The following ZMYM4 variants were observed in gnomAD, a reference collection of about 807,000 sequenced individuals.
ZMYM4 encodes zinc finger MYM-type protein 4.
Under a neutral mutation model 183.2 loss-of-function variants are expected in ZMYM4, and 31 were observed. The observed-to-expected ratio is 0.17, with a 90% CI of 0.13 to 0.23. The LOEUF (loss-of-function observed/expected upper bound fraction) is 0.23. Among genes scored for constraint, ZMYM4 ranks in the 10% least tolerant of loss-of-function variants. The pLI is 1.00. For synonymous variants in ZMYM4, 592 were observed against 631.2 expected, an observed-to-expected ratio of 0.94 and a Z score of 0.93; for missense variants, 1,273 against 1,840.3, an observed-to-expected ratio of 0.69 and a Z score of 5.64.
Position 35,414,050 on chromosome 1 carries a change from T to C in ZMYM4, c.4027T>C (p.Leu1343=), listed in dbSNP as rs1324452026. The change falls in exon 27 of 30, where the codon TTG becomes CTG. Residue 1343 remains leucine, a synonymous_variant. Transcript: ENST00000314607. Reference sequence around the variant, plus strand: ...ATTTATGATTGAACTTACCAAACTCTTGAAAATATGGGAACCTACAATACT... The same window carrying C: ...ATTTATGATTGAACTTACCAAACTCCTGAAAATATGGGAACCTACAATACT... The part of the protein sequence containing the change: ...SRFMIELTKL[L]KIWEPTILPN... The C allele has an allele frequency of 6.3e-7, 1 of 1,590,084 alleles. No individual in the cohort carries two copies. Among genetic ancestry groups the C allele is most frequent in the East Asian group, 2.3e-5 (1 of 44,318 alleles).
chr1:35,292,064 T>C (rs2148718827), intron 1 of ZMYM4: 1 of 152,324 alleles, frequency 6.6e-6, no homozygotes, highest in Admixed American at 6.5e-5. Flanking sequence ...AGATAGAGAT[T>C]GAGGCAAGTG....
At chr1:35,283,710 G>T (rs1294625888) in intron 1 of ZMYM4, among the ~76,000 whole-genome samples, 2 of 151,920 alleles carry the variant, frequency 1.3e-5, no homozygotes, top group Non-Finnish European at 2.9e-5. Context: ...TTTTTCATGT[G>T]TTTATTGGCC....
chr1:35,344,557 G>A (rs759482087), intron 2 of ZMYM4, among the ~76,000 whole-genome samples: 7 of 151,862 alleles, frequency 4.6e-5, no homozygotes, highest in African/African-American at 1.7e-4. Flanking sequence ...TCATGAATGA[G>A]TATTAAATTT....
At chr1:35,399,084 TA>T in intron 22 of ZMYM4, 41 bp downstream of exon 22, 1 of 1,593,520 alleles carries the variant, frequency 6.3e-7, no homozygotes, top group Non-Finnish European at 8.6e-7. Context: ...CTTTTTATTT[TA>T]AAAGATCGGT....
chr1:35,329,223 T>TC (rs1642632331), intron 2 of ZMYM4, among the ~76,000 whole-genome samples: 2 of 152,230 alleles, frequency 1.3e-5, no homozygotes, highest in African/African-American at 2.4e-5. Flanking sequence ...AAAGAAGACT[T>TC]CAACATTTTA....
intron 15 of ZMYM4, among the ~76,000 whole-genome samples, chr1:35,391,074 A>T (rs1644694990): frequency 6.6e-6 from 1 of 152,208 alleles, no homozygotes. Context: ...CGTGGGCGTG[A>T]CTAGTTGGGG....
Position 35,398,354 on chromosome 1 carries a change from T to C in ZMYM4, c.3200-59T>C, listed in dbSNP as rs966535977. On this transcript the variant is annotated intron_variant, in intron 20 of 29. Coordinates refer to ENST00000314607, the MANE Select transcript of ZMYM4 (RefSeq NM_005095.3). ...TGATGTATATAGTGCAGTCATTTCA[T>C]TTGAGATATAATTTGTTGTCTAAAC... The C allele has an allele frequency of 5.5e-6, 8 of 1,461,382 alleles. No homozygotes were observed. The African/African-American group carries it at 9.9e-5, about 18-fold the overall frequency. The allele number at this position is 1,461,382 out of a possible 1,614,324, so 90.5% of individuals were successfully genotyped here. A position where few individuals can be genotyped will look rare whatever the true frequency, so the allele number is the denominator to read the frequency against.
At chr1:35,371,846 CAG>C (rs899269852) in intron 7 of ZMYM4, among the ~76,000 whole-genome samples, 22 of 152,256 alleles carry the variant, frequency 1.4e-4, no homozygotes, top group African/African-American at 2.6e-4. Context: ...AAATGACCGA[CAG>C]GGTAAATTTT....
intron 2 of ZMYM4, among the ~76,000 whole-genome samples, chr1:35,343,112 A>T (rs558392269): frequency 6.6e-6 from 1 of 152,126 alleles, no homozygotes; most frequent in Non-Finnish European, 1.5e-5. Flanking sequence ...CCATCCATCC[A>T]TCCATCTATG....
chr1:35,280,653 T>C (rs913857137), intron 1 of ZMYM4, among the ~76,000 whole-genome samples: 1 of 152,244 alleles, frequency 6.6e-6, no homozygotes. Context: ...TTCTTCCTCC[T>C]CTCTTTGAGC....
intron 13 of ZMYM4, 26 bp from the exon 14 acceptor site, chr1:35,388,884 T>G (rs766134084): frequency 6.2e-7 from 1 of 1,610,342 alleles, no homozygotes; most frequent in East Asian, 2.2e-5. Flanking sequence ...CTACCTAATG[T>G]TAATTTTATC....
intron 1 of ZMYM4, among the ~76,000 whole-genome samples, chr1:35,288,708 C>A (rs1478964360): frequency 1.3e-5 from 2 of 152,130 alleles, no homozygotes; most frequent in Non-Finnish European, 2.9e-5. Flanking sequence ...CATCTACTTG[C>A]TGAGCTTTCA....
In ZMYM4 at chr1:35,275,005, A is replaced by T. The variant is rs575267625; in HGVS notation, c.39+5920A>T. Among the ~76,000 whole-genome samples, 358 of 152,286 alleles carry T rather than the reference A, an allele frequency of 2.4e-3. 1 individual carries two copies. Among genetic ancestry groups the T allele is most frequent in the African/African-American group, 8.4e-3 (351 of 41,558 alleles). On this transcript the variant is annotated intron_variant, in intron 1 of 29. Coordinates refer to ENST00000314607, the MANE Select transcript of ZMYM4 (RefSeq NM_005095.3). The stretch of plus-strand genomic sequence containing the variant: ...TAAAGCACATAATTCTTTATCTGGA[A>T]TGTATGGATGTTAGAATAATTTGAA...
chr1:35,335,389 A>G (rs2148845879), intron 2 of ZMYM4, among the ~76,000 whole-genome samples: 1 of 151,816 alleles, frequency 6.6e-6, no homozygotes, highest in South Asian at 2.1e-4. Context: ...GGCACCCACC[A>G]CCATACTTGG....
At chr1:35,276,100 C>A (rs545892640) in intron 1 of ZMYM4, among the ~76,000 whole-genome samples, 1 of 152,252 alleles carries the variant, frequency 6.6e-6, no homozygotes, top group Non-Finnish European at 1.5e-5. Context: ...GAGAACCCAG[C>A]ACATATCAAG....
chr1:35,346,702 G>C (rs1643410841), intron 2 of ZMYM4, among the ~76,000 whole-genome samples: 1 of 141,330 alleles, frequency 7.1e-6, no homozygotes, highest in South Asian at 2.3e-4. Flanking sequence ...TAGTTCTATA[G>C]ATAATTTCCC....
chr1:35,351,297 G>T (rs1643596376), intron 2 of ZMYM4: 17 of 1,581,354 alleles, frequency 1.1e-5, no homozygotes, highest in Non-Finnish European at 1.4e-5. Flanking sequence ...TAATGCAGAA[G>T]TACACCGGAA....
chr1:35,323,713 C>T (rs145128471), intron 1 of ZMYM4, among the ~76,000 whole-genome samples: 3,021 of 151,990 alleles, frequency 0.02, 93 homozygotes, highest in African/African-American at 0.067. Context: ...CCACCATGTC[C>T]GGCTAATTTT....
At chr1:35,272,368 C>G (rs576744591) in intron 1 of ZMYM4, among the ~76,000 whole-genome samples, 1 of 152,326 alleles carries the variant, frequency 6.6e-6, no homozygotes, top group South Asian at 2.1e-4. Context: ...AGGCATTGTG[C>G]TTTGTTACTT....
Sources: allele counts gnomAD v4.1 joint callset (sites outside exome capture counted in the v4.1 genomes callset), GRCh38; gene constraint gnomAD v4.1.1; transcripts MANE v1.5; gene names NCBI Gene and HGNC (gene_info 2026-07-23, HGNC 2026-07-21).